Variants in TRAPPC12 observed in about 807,000 individuals in gnomAD.
The protein encoded by TRAPPC12 is TPR repeat protein 15.
TRAPPC12 carries 61 observed loss-of-function variants against 69.2 expected under a neutral mutation model. The ratio of observed to expected loss-of-function variants is 0.88; its 90% CI spans 0.72 to 1.09. The LOEUF (loss-of-function observed/expected upper bound fraction) is 1.09, where lower values mean the gene tolerates loss of function less well. Ranked by LOEUF, TRAPPC12 falls within the 50% of genes least tolerant of loss-of-function variation. The pLI, the probability that TRAPPC12 is intolerant of heterozygous loss-of-function variation, is 0.00. For synonymous variants in TRAPPC12, 469 were observed against 438.9 expected (o/e 1.07, Z -0.86); for missense variants, 1,101 against 1,016.4 (o/e 1.08, Z -1.13).
chr2:3,460,407 C>T (rs1318551971), intron 8 of TRAPPC12, 71 bp downstream of exon 8: 13 of 809,830 alleles, frequency 1.6e-5, no homozygotes, highest in Non-Finnish European at 2.4e-5. Context: ...GCGAGGGAGC[C>T]GCTGGTATAA....
intron 5 of TRAPPC12, among the ~76,000 whole-genome samples, chr2:3,424,944 G>A (rs1408703153): frequency 6.6e-6 from 1 of 152,250 alleles, no homozygotes; most frequent in Non-Finnish European, 1.5e-5. Flanking sequence ...GGGCCGGGTA[G>A]TAGACGTCTG....
chr2:3,391,311 A>G (rs1223995089), intron 2 of TRAPPC12, among the ~76,000 whole-genome samples: 2 of 151,808 alleles, frequency 1.3e-5, no homozygotes, highest in Non-Finnish European at 2.9e-5. Flanking sequence ...TACCCACTCC[A>G]CTCTCACTCC....
intron 7 of TRAPPC12, chr2:3,458,366 A>G (rs1453428261): frequency 2.0e-6 from 2 of 985,676 alleles, no homozygotes; most frequent in African/African-American, 3.5e-5. Context: ...GCATCTCCCC[A>G]CAGGCCTGGT....
rs1403969963 is a variant in TRAPPC12 at position 3,414,441 on chromosome 2, G to A, written c.1165-7440G>A. Reference sequence around the variant, plus strand: ...ATTCTCTCCCTTCAAAGCCCCCCGGGTTCTTGTCCTCCCCCCTGCCGCCAC... The same window carrying A: ...ATTCTCTCCCTTCAAAGCCCCCCGGATTCTTGTCCTCCCCCCTGCCGCCAC... On this transcript the variant is annotated intron_variant, in intron 3 of 11. Transcript: ENST00000324266. The surrounding 1 kb of genome is among the most constrained non-coding windows in gnomAD (Gnocchi z 4.9). Among the ~76,000 whole-genome samples the A allele has an allele frequency of 6.6e-6, 1 of 151,928 alleles. No individual in the cohort carries two copies. The highest frequency in any genetic ancestry group is 1.5e-5 in the Non-Finnish European group (1 of 67,976).
In TRAPPC12 at chr2:3,388,385, C is replaced by T. The variant is rs774631193; in HGVS notation, c.762C>T (p.Pro254=). Residue 254 remains proline, a synonymous_variant, in exon 2 of 12, where the codon CCC becomes CCT. Coordinates refer to ENST00000324266, the MANE Select transcript of TRAPPC12 (RefSeq NM_016030.6). ...CCAGCCCGCCTCCCCTCGCTGTGCC[C>T]GGGACCGAGGGGCGCCCCGAACCCG... ...APASPPPLAV[P]GTEGRPEPVA... 1.5e-5 allele frequency: 24 copies of T among 1,603,264 alleles called. No individual in the cohort carries two copies. The highest frequency in any genetic ancestry group is 4.5e-5 in the East Asian group (2 of 44,484).
rs550586316 is a variant in TRAPPC12 at position 3,395,813 on chromosome 2, TCCA to T, written c.1048-5961_1048-5959del. Reference sequence around the variant, plus strand: ...GGCACAATCTCAGCTCACTCCAACCTCCACCTCCCAGGCTCAAGCAATTCCCCT... The same window carrying T: ...GGCACAATCTCAGCTCACTCCAACCTCCTCCCAGGCTCAAGCAATTCCCCT... On this transcript the variant is annotated intron_variant, in intron 2 of 11. Coordinates refer to ENST00000324266, the MANE Select transcript of TRAPPC12 (RefSeq NM_016030.6). Among the ~76,000 whole-genome samples, 140 of 151,310 alleles carry T rather than the reference TCCA, an allele frequency of 9.3e-4. 1 individual carries two copies. The highest frequency in any genetic ancestry group is 1.9e-3 in the Non-Finnish European group (126 of 67,888).
intron 7 of TRAPPC12, chr2:3,459,788 G>A (rs781217847): frequency 2.6e-4 from 64 of 250,044 alleles, no homozygotes; most frequent in Middle Eastern, 1.4e-3. Context: ...GCCCATGGTC[G>A]GGAGGCAGGG....
In TRAPPC12 at chr2:3,379,723, G is replaced by A. The variant is rs1558331516; in HGVS notation, c.-158G>A. The A allele has an allele frequency of 1.3e-5, 2 of 152,356 alleles. No homozygotes were observed. The highest frequency in any genetic ancestry group is 6.5e-5 in the Admixed American group (1 of 15,288). The allele number at this position is 152,356 out of a possible 1,614,324, so 9.4% of individuals were successfully genotyped here. A position where few individuals can be genotyped will look rare whatever the true frequency, so the allele number is the denominator to read the frequency against. On this transcript the variant is annotated 5_prime_UTR_variant, in exon 1 of 12. Coordinates refer to ENST00000324266, the MANE Select transcript of TRAPPC12 (RefSeq NM_016030.6). ...CGGGTTCCTGCATCGGGCCTGAGCA[G>A]AACTAGGCGCGCCGCGGCCCGGCAC...
At chr2:3,468,801 G>A (rs1285183345) in intron 9 of TRAPPC12, among the ~76,000 whole-genome samples, 8 of 152,140 alleles carry the variant, frequency 5.3e-5, no homozygotes, top group South Asian at 2.1e-4. Context: ...CACACCCCAC[G>A]CGCCAGCCTC....
chr2:3,388,180 G>T lies in TRAPPC12; in HGVS notation c.557G>T (p.Gly186Val). The T allele has an allele frequency of 3.1e-6, 5 of 1,608,980 alleles. No homozygotes were observed. The highest frequency in any genetic ancestry group is 3.4e-6 in the Non-Finnish European group (4 of 1,177,804). The change falls in exon 2 of 12, where the codon GGT becomes GTT. Residue 186 changes from glycine (G) to valine (V), a missense_variant. By Grantham distance (109) the Gly-to-Val change is moderately radical (BLOSUM62 -3). Transcript: ENST00000324266. ...EPQMVKSPSF[G>V]GASEASARTP... ...CAGATGGTGAAGTCGCCCAGCTTCGGTGGCGCCAGCGAGGCCTCGGCCAGG... is the reference window on the plus strand; with the variant it reads ...CAGATGGTGAAGTCGCCCAGCTTCGTTGGCGCCAGCGAGGCCTCGGCCAGG...
intron 3 of TRAPPC12, among the ~76,000 whole-genome samples, chr2:3,420,622 C>T (rs1572132951): frequency 6.6e-6 from 1 of 152,154 alleles, no homozygotes; most frequent in South Asian, 2.1e-4. Flanking sequence ...TCAACACAGC[C>T]CCCCACACCG....
intron 7 of TRAPPC12, among the ~76,000 whole-genome samples, chr2:3,458,894 C>T (rs1329263002): frequency 6.6e-6 from 1 of 152,180 alleles, no homozygotes; most frequent in Non-Finnish European, 1.5e-5. Context: ...TTCATTGAGA[C>T]AATCCATATT....
At chr2:3,427,316 C>T (rs1264247942) in intron 5 of TRAPPC12, among the ~76,000 whole-genome samples, 1 of 152,150 alleles carries the variant, frequency 6.6e-6, no homozygotes, top group Non-Finnish European at 1.5e-5. Context: ...CTGCCTGGGC[C>T]GGGGACTGGA....
rs372673865 is a variant in TRAPPC12, at chr2:3,390,640, G to A, written c.1047+1970G>A. On this transcript the variant is annotated intron_variant, in intron 2 of 11. Coordinates refer to ENST00000324266, the MANE Select transcript of TRAPPC12 (RefSeq NM_016030.6). ...GATTTTAAGGCAATGAAACTATTCC[G>A]TGTGATACTTTAATGCTGGGTACAT... is the stretch of plus-strand genomic sequence containing the variant. Among the ~76,000 whole-genome samples, 57 of 152,292 alleles carry A rather than the reference G, an allele frequency of 3.7e-4. No homozygotes were observed. The South Asian group carries it at 0.012, about 31-fold the overall frequency.
chr2:3,458,069 C>T (rs1344888143), intron 7 of TRAPPC12: 10 of 435,582 alleles, frequency 2.3e-5, no homozygotes, highest in Non-Finnish European at 2.6e-5. Context: ...GGACAGAGGC[C>T]TCTGCGTCGG....
At position 3,388,206 on chromosome 2, in the gene TRAPPC12, A is replaced by G. The variant is rs1459803726; in HGVS notation, c.583A>G (p.Thr195Ala). The G allele has an allele frequency of 6.2e-6, 10 of 1,609,008 alleles. No individual in the cohort carries two copies. The highest frequency in any genetic ancestry group is 8.5e-6 in the Non-Finnish European group (10 of 1,177,830). The change falls in exon 2 of 12, where the codon ACA becomes GCA. Residue 195 changes from threonine to alanine, a missense_variant. By Grantham distance (58) the Thr-to-Ala change is moderately conservative. Coordinates refer to ENST00000324266, the MANE Select transcript of TRAPPC12 (RefSeq NM_016030.6). ...FGGASEASARTPPQVVQPSPS... is the reference protein window; with the variant it reads ...FGGASEASARAPPQVVQPSPS... ...TGGCGCCAGCGAGGCCTCGGCCAGG[A>G]CACCGCCCCAGGTCGTGCAGCCCAG...
rs542327479 is a variant in TRAPPC12, at chr2:3,402,843, T to G, written c.1164+950T>G. Among the ~76,000 whole-genome samples, 14 of 152,300 alleles carry G rather than the reference T, an allele frequency of 9.2e-5. No individual in the cohort carries two copies. The South Asian group carries it at 1.2e-3, about 14-fold the overall frequency. ...TCTCAGCTCCCCAGTGTTGTCTCCT[T>G]AGGGGGCTGTGGAATTGCTCTGCTA... On this transcript the variant is annotated intron_variant, in intron 3 of 11. Transcript: ENST00000324266.
chr2:3,394,482 G>A (rs960333427), intron 2 of TRAPPC12, among the ~76,000 whole-genome samples: 8 of 152,150 alleles, frequency 5.3e-5, no homozygotes, highest in African/African-American at 1.7e-4. Flanking sequence ...ACAGCCGGAC[G>A]TGGTGGTGCA....
chr2:3,407,797 A>G (rs1661812899), intron 3 of TRAPPC12, among the ~76,000 whole-genome samples: 1 of 152,112 alleles, frequency 6.6e-6, no homozygotes, highest in Non-Finnish European at 1.5e-5. Context: ...CTCCGTTTCA[A>G]AAAAAGAAAA....
Sources: allele counts gnomAD v4.1 joint callset (sites outside exome capture counted in the v4.1 genomes callset), GRCh38; gene constraint gnomAD v4.1.1; non-coding constraint Gnocchi (gnomAD v3.1); transcripts MANE v1.5; gene names NCBI Gene and HGNC (gene_info 2026-07-23, HGNC 2026-07-21).